The following CSMD3 variants were observed in gnomAD, a reference collection of about 807,000 sequenced individuals.
The protein encoded by CSMD3 is CUB and sushi domain-containing protein 3.
Under a neutral mutation model 435.2 loss-of-function variants are expected in CSMD3, and 177 were observed. The observed-to-expected ratio is 0.41, with a 90% CI of 0.36 to 0.46. The LOEUF is 0.46. CSMD3 is among the 20% of genes least tolerant of loss of function. The probability of loss-of-function intolerance (pLI) is 0.34; values close to 1 mark genes in which losing one functional copy is unlikely to be tolerated. For synonymous variants in CSMD3, 1,656 were observed against 1,520.5 expected (o/e 1.09, Z -2.07); for missense variants, 4,265 against 4,504.6 (o/e 0.95, Z 1.52).
At chr8:112,413,329 T>C (rs751759836) in intron 32 of CSMD3, among the ~76,000 whole-genome samples, 20 of 152,190 alleles carry the variant, frequency 1.3e-4, no homozygotes, top group Non-Finnish European at 2.4e-4. Flanking sequence ...AGGGTTCCAT[T>C]GACTGAGAAA....
intron 5 of CSMD3, among the ~76,000 whole-genome samples, chr8:113,075,281 A>G (rs2089292387): frequency 6.6e-6 from 1 of 151,880 alleles, no homozygotes; most frequent in Non-Finnish European, 1.5e-5. Context: ...TTTTCTCTGT[A>G]TAAGTCTTTT....
intron 32 of CSMD3, among the ~76,000 whole-genome samples, chr8:112,429,386 A>C (rs1339337730): frequency 2.0e-5 from 3 of 152,030 alleles, no homozygotes; most frequent in Non-Finnish European, 2.9e-5. Flanking sequence ...CTGATGGAGA[A>C]ACTCTGTGCT....
intron 7 of CSMD3, among the ~76,000 whole-genome samples, chr8:112,969,492 A>C (rs995559476): frequency 1.3e-5 from 2 of 152,016 alleles, no homozygotes. Flanking sequence ...TATTAACCAA[A>C]GTAATATCCT....
intron 69 of CSMD3, among the ~76,000 whole-genome samples, chr8:112,230,272 T>C (rs1402177502): frequency 3.3e-4 from 51 of 152,332 alleles, no homozygotes; most frequent in Non-Finnish European, 4.4e-5. Flanking sequence ...TGCACTATGT[T>C]AATGAGTGTT....
chr8:112,515,368 C>G (rs1823562602), intron 28 of CSMD3, among the ~76,000 whole-genome samples: 1 of 151,990 alleles, frequency 6.6e-6, no homozygotes, highest in South Asian at 2.1e-4. Context: ...GATATGTGGT[C>G]AAATTCCAAT....
chr8:112,298,957 A>G (rs1820628816), intron 53 of CSMD3, among the ~76,000 whole-genome samples: 2 of 152,244 alleles, frequency 1.3e-5, no homozygotes, highest in Middle Eastern at 3.4e-3. Flanking sequence ...AAAACTGGAC[A>G]TAGCCCATGT....
chr8:112,840,804 T>C (rs1442216073), intron 11 of CSMD3, among the ~76,000 whole-genome samples: 1 of 151,666 alleles, frequency 6.6e-6, no homozygotes, highest in Non-Finnish European at 1.5e-5. Flanking sequence ...TTTTAAGTTT[T>C]GGAGGTTAAG....
chr8:113,015,825 GA>G (rs1199145344), intron 6 of CSMD3, among the ~76,000 whole-genome samples: 3 of 151,744 alleles, frequency 2.0e-5, no homozygotes, highest in African/African-American at 7.2e-5. Flanking sequence ...AAATGGAAAA[GA>G]ATAGAGTTTA....
At chr8:113,162,498 G>A (rs1246131655) in intron 4 of CSMD3, among the ~76,000 whole-genome samples, 1 of 149,714 alleles carries the variant, frequency 6.7e-6, no homozygotes, top group African/African-American at 2.5e-5. Context: ...CCAGGAGGCA[G>A]AGGTTGCAGT....
chr8:113,223,337 G>A lies in CSMD3; in HGVS notation c.515-49421C>T, dbSNP rs553770372. Among the ~76,000 whole-genome samples the A allele has an allele frequency of 2.7e-5, 4 of 150,330 alleles. No homozygotes were observed. The East Asian group carries it at 7.8e-4, about 29-fold the overall frequency. On this transcript the variant is annotated intron_variant, in intron 3 of 70. Coordinates refer to ENST00000297405, the MANE Select transcript of CSMD3 (RefSeq NM_198123.2). ...TTTGTGTTCTGATATAAAATAATAT[G>A]TCACCAAGTGCAAGCTCTATGACTT...
At chr8:112,603,138 A>G (rs1832513024) in intron 22 of CSMD3, among the ~76,000 whole-genome samples, 1 of 152,220 alleles carries the variant, frequency 6.6e-6, no homozygotes, top group South Asian at 2.1e-4. Context: ...TCGCCCTCTC[A>G]AAGTGTCGGG....
At chr8:113,081,334 T>C (rs1206783219) in intron 5 of CSMD3, among the ~76,000 whole-genome samples, 2 of 152,130 alleles carry the variant, frequency 1.3e-5, no homozygotes, top group African/African-American at 4.8e-5. Context: ...GTTGACAAAT[T>C]CTCAGTGTTC....
intron 13 of CSMD3, 34 bp from the exon 14 acceptor site, chr8:112,690,084 G>C (rs770849649): frequency 1.9e-6 from 3 of 1,550,332 alleles, no homozygotes; most frequent in Non-Finnish European, 2.7e-6. Flanking sequence ...CACCTTCCAA[G>C]GGTTGCAGGC....
chr8:113,420,022 A>G (rs907236799), intron 1 of CSMD3, among the ~76,000 whole-genome samples: 1 of 152,186 alleles, frequency 6.6e-6, no homozygotes, highest in East Asian at 1.9e-4. Context: ...AGCAGTAGTG[A>G]TTAAGAAGTA....
At chr8:113,089,062 G>C (rs973070677) in intron 5 of CSMD3, among the ~76,000 whole-genome samples, 3 of 151,896 alleles carry the variant, frequency 2.0e-5, no homozygotes, top group African/African-American at 7.3e-5. Context: ...TTTGGAGATA[G>C]GGTCTTGCTA....
intron 40 of CSMD3, among the ~76,000 whole-genome samples, chr8:112,346,472 T>C (rs1322424544): frequency 6.6e-6 from 1 of 152,016 alleles, no homozygotes; most frequent in East Asian, 1.9e-4. Flanking sequence ...AAGTAACAGA[T>C]CATGTGCAGT....
intron 5 of CSMD3, among the ~76,000 whole-genome samples, chr8:113,093,077 T>C (rs575399285): frequency 6.6e-6 from 1 of 152,226 alleles, no homozygotes; most frequent in South Asian, 2.1e-4. Flanking sequence ...AAAATAAGTA[T>C]AGTGTGAAAT....
chr8:112,439,575 A>G (rs1273845236), intron 32 of CSMD3, among the ~76,000 whole-genome samples: 2 of 152,170 alleles, frequency 1.3e-5, no homozygotes, highest in African/African-American at 4.8e-5. Context: ...GTCCATTCTC[A>G]CACTGTTATA....
intron 2 of CSMD3, chr8:113,312,089 T>C (rs905256383): frequency 3.3e-5 from 5 of 152,094 alleles, no homozygotes; most frequent in African/African-American, 1.2e-4. Flanking sequence ...TATATATCAA[T>C]ACATAAACTT....
Sources: allele counts gnomAD v4.1 joint callset (sites outside exome capture counted in the v4.1 genomes callset), GRCh38; gene constraint gnomAD v4.1.1; transcripts MANE v1.5; gene names NCBI Gene and HGNC (gene_info 2026-07-23, HGNC 2026-07-21).